The following WWOX variants were observed in gnomAD, a reference collection of about 807,000 sequenced individuals.
WWOX encodes the protein WW domain containing oxidoreductase, also known as WW domain-containing oxidoreductase.
A neutral mutation model predicts 46.2 loss-of-function variants in WWOX; 69 were observed. The ratio of observed to expected loss-of-function variants is 1.49; its 90% CI spans 1.23 to 1.82. WWOX has a LOEUF of 1.82. WWOX is among the 40% of genes most tolerant of loss of function. WWOX has a pLI of 0.00. For synonymous variants in WWOX, 359 were observed against 202.6 expected, an observed-to-expected ratio of 1.77 and a Z score of -6.56; for missense variants, 919 against 542.6, an observed-to-expected ratio of 1.69 and a Z score of -6.89.
intron 8 of WWOX, among the ~76,000 whole-genome samples, chr16:79,000,981 A>C (rs372750383): frequency 6.6e-6 from 1 of 152,198 alleles, no homozygotes; most frequent in Non-Finnish European, 1.5e-5. Flanking sequence ...CCTAGGGCCT[A>C]CCACCGCCTG....
intron 8 of WWOX, among the ~76,000 whole-genome samples, chr16:79,067,484 A>AG (rs1312454874): frequency 6.6e-6 from 1 of 151,986 alleles, no homozygotes; most frequent in Non-Finnish European, 1.5e-5. Context: ...GGCTCCTGTG[A>AG]GGGCTACCCC....
chr16:78,654,583 T>C (rs1239322781), intron 8 of WWOX, among the ~76,000 whole-genome samples: 1 of 152,178 alleles, frequency 6.6e-6, no homozygotes, highest in East Asian at 1.9e-4. Flanking sequence ...CTCCGTGATA[T>C]AAATAGTTTT....
chr16:79,056,934 T>C (rs1414494697), intron 8 of WWOX, among the ~76,000 whole-genome samples: 2 of 152,244 alleles, frequency 1.3e-5, no homozygotes, highest in Non-Finnish European at 2.9e-5. Flanking sequence ...GAGTGTATAG[T>C]CGTGTGTTTA....
rs550271461 is a variant in WWOX at position 78,431,477 on chromosome 16, A to C, written c.792-1011A>C. Among the ~76,000 whole-genome samples the C allele has an allele frequency of 1.3e-4, 20 of 152,318 alleles. 1 individual carries two copies. In the South Asian group the frequency reaches 4.1e-3, roughly 32 times the overall value. The stretch of plus-strand genomic sequence containing the variant: ...AGCATTAGCTAAAATAATCCAGGAA[A>C]GCCCTGTCAAAGGTTAGGAATGTGA... On this transcript the variant is annotated intron_variant, in intron 7 of 8. Coordinates refer to ENST00000566780, the MANE Select transcript of WWOX (RefSeq NM_016373.4).
chr16:78,133,841 C>T (rs1312431526), intron 4 of WWOX, among the ~76,000 whole-genome samples: 1 of 152,180 alleles, frequency 6.6e-6, no homozygotes, highest in Admixed American at 6.5e-5. Flanking sequence ...AAGGGAGATA[C>T]CTGCAAGGCT....
intron 8 of WWOX, among the ~76,000 whole-genome samples, chr16:78,589,069 G>A (rs1403046548): frequency 6.6e-6 from 1 of 152,182 alleles, no homozygotes; most frequent in African/African-American, 2.4e-5. Flanking sequence ...GTTACCTGTA[G>A]ATTCTCCCAC....
chr16:78,387,138 G>A (rs575741772), intron 6 of WWOX, among the ~76,000 whole-genome samples, 190 bp downstream of exon 6: 96 of 152,264 alleles, frequency 6.3e-4, no homozygotes, highest in East Asian at 1.2e-3. Flanking sequence ...TATGAGATGT[G>A]TCATCAATCT....
chr16:78,832,354 C>A (rs1357279048), intron 8 of WWOX, among the ~76,000 whole-genome samples: 1 of 152,104 alleles, frequency 6.6e-6, no homozygotes, highest in East Asian at 1.9e-4. Context: ...GTGGCATGGC[C>A]TTTTAAGCCC....
intron 8 of WWOX, among the ~76,000 whole-genome samples, chr16:79,017,982 G>A (rs955926343): frequency 1.3e-5 from 2 of 152,286 alleles, no homozygotes; most frequent in African/African-American, 2.4e-5. Context: ...GCACACCACA[G>A]TATCCAAAAA....
intron 6 of WWOX, among the ~76,000 whole-genome samples, chr16:78,421,639 C>T (rs562479380): frequency 6.6e-6 from 1 of 152,264 alleles, no homozygotes; most frequent in South Asian, 2.1e-4. Context: ...AAAGCAGTGG[C>T]ATATGAAAAG....
At chr16:78,474,912 G>C (rs2084319196) in intron 8 of WWOX, among the ~76,000 whole-genome samples, 1 of 152,062 alleles carries the variant, frequency 6.6e-6, no homozygotes. Flanking sequence ...TCAGTTCCTT[G>C]TTTTTTCTTA....
At chr16:78,958,458 G>A (rs2046212428) in intron 8 of WWOX, among the ~76,000 whole-genome samples, 1 of 152,158 alleles carries the variant, frequency 6.6e-6, no homozygotes. Flanking sequence ...TACTCTCTAT[G>A]GAGAGGTTTT....
chr16:78,414,143 C>T (rs1161376021), intron 6 of WWOX, among the ~76,000 whole-genome samples: 2 of 151,940 alleles, frequency 1.3e-5, no homozygotes, highest in Non-Finnish European at 2.9e-5. Context: ...ACCCCCGCCC[C>T]TGCCTGCAAG....
At chr16:78,507,830 C>T (rs575360585) in intron 8 of WWOX, among the ~76,000 whole-genome samples, 1 of 152,296 alleles carries the variant, frequency 6.6e-6, no homozygotes, top group Non-Finnish European at 1.5e-5. Flanking sequence ...CGAATTCGCA[C>T]CTGTTCAGAC....
At chr16:78,452,475 C>CTTTTTTTTTT (rs397945707) in intron 8 of WWOX, among the ~76,000 whole-genome samples, 21 of 126,056 alleles carry the variant, frequency 1.7e-4, no homozygotes, top group African/African-American at 3.1e-4. Context: ...CTCTCTCTCT[C>CTTTTTTTTTT]TTTTTTTTTT....
intron 5 of WWOX, among the ~76,000 whole-genome samples, chr16:78,170,185 C>T (rs545972029): frequency 1.3e-5 from 2 of 152,292 alleles, no homozygotes; most frequent in East Asian, 3.9e-4. Flanking sequence ...AAATCGTCCC[C>T]AGTTCATAAC....
At chr16:78,959,798 G>A (rs543481452) in intron 8 of WWOX, among the ~76,000 whole-genome samples, 5 of 152,220 alleles carry the variant, frequency 3.3e-5, no homozygotes, top group East Asian at 1.9e-4. Flanking sequence ...GTCCTCTGTC[G>A]GTGTTCTGAA....
At chr16:79,195,915 T>C (rs1363461183) in intron 8 of WWOX, among the ~76,000 whole-genome samples, 3 of 152,236 alleles carry the variant, frequency 2.0e-5, no homozygotes, top group Non-Finnish European at 4.4e-5. Flanking sequence ...TTGGAGATGC[T>C]GTTCCTCTCA....
At chr16:79,054,581 G>A (rs963248292) in intron 8 of WWOX, among the ~76,000 whole-genome samples, 5 of 152,292 alleles carry the variant, frequency 3.3e-5, no homozygotes, top group African/African-American at 9.6e-5. Context: ...CCACACTTGG[G>A]GCGGTCAAGG....
Sources: gnomAD v4.1 joint callset for allele counts (sites outside exome capture counted in the v4.1 genomes callset) on GRCh38, gnomAD v4.1.1 for gene constraint, MANE v1.5 for transcripts, NCBI Gene and HGNC (gene_info 2026-07-23, HGNC 2026-07-21) for gene names.